The following OSBPL9 variants were observed in gnomAD, a reference collection of about 807,000 sequenced individuals.
OSBPL9 encodes oxysterol-binding protein-related protein 9.
In OSBPL9, 40 loss-of-function variants were observed where a neutral mutation model predicts 106.6. That is an observed-to-expected ratio of 0.38 (90% CI 0.29 to 0.49). OSBPL9 has a LOEUF of 0.49. Ranked by LOEUF, OSBPL9 falls within the 20% of genes least tolerant of loss-of-function variation. The pLI is 0.97. For synonymous variants in OSBPL9, 269 were observed against 295.4 expected, an observed-to-expected ratio of 0.91 and a Z score of 0.92; for missense variants, 609 against 887.2, an observed-to-expected ratio of 0.69 and a Z score of 3.98.
intron 1 of OSBPL9, among the ~76,000 whole-genome samples, chr1:51,633,252 C>T (rs1254024950): frequency 2.0e-5 from 3 of 151,544 alleles, no homozygotes; most frequent in Admixed American, 1.3e-4. Flanking sequence ...AGCCATCTCA[C>T]CTGGCCACTT....
At chr1:51,773,933 G>A (rs1311576478) in intron 14 of OSBPL9, among the ~76,000 whole-genome samples, 2 of 118,910 alleles carry the variant, frequency 1.7e-5, no homozygotes, top group African/African-American at 6.3e-5. Flanking sequence ...AGATTGTACA[G>A]CTGCTGGCGT....
intron 4 of OSBPL9, among the ~76,000 whole-genome samples, chr1:51,738,262 G>C (rs1666142866): frequency 6.6e-6 from 1 of 152,012 alleles, no homozygotes; most frequent in South Asian, 2.1e-4. Flanking sequence ...ATCATGAAGA[G>C]TAAGGAATTG....
intron 1 of OSBPL9, chr1:51,577,340 T>G (rs1312305738): frequency 5.8e-5 from 8 of 137,386 alleles, no homozygotes; most frequent in African/African-American, 2.5e-4. Context: ...TTTTTTTTTT[T>G]TGACGAAGTC....
intron 4 of OSBPL9, among the ~76,000 whole-genome samples, chr1:51,716,075 A>G (rs1448920213): frequency 1.3e-5 from 2 of 152,240 alleles, no homozygotes; most frequent in African/African-American, 2.4e-5. Flanking sequence ...TTTGCTAAGA[A>G]GAGAGCTTGT....
the OSBPL9 span, among the ~76,000 whole-genome samples, chr1:51,544,260 T>C: frequency 1.3e-4 from 20 of 152,012 alleles, no homozygotes; most frequent in African/African-American, 4.6e-4. Context: ...ACTTGGGAGG[T>C]TGAGGCAGAA....
chr1:51,553,135 G>GC, the OSBPL9 span, among the ~76,000 whole-genome samples: 5 of 152,030 alleles, frequency 3.3e-5, no homozygotes, highest in Non-Finnish European at 7.4e-5. Flanking sequence ...TGAGGCCATT[G>GC]CCCCAAGTAT....
At chr1:51,528,626 C>A in the OSBPL9 span, among the ~76,000 whole-genome samples, 1 of 151,964 alleles carries the variant, frequency 6.6e-6, no homozygotes, top group African/African-American at 2.4e-5. Flanking sequence ...AACCCCAGCA[C>A]TTTGGGAGGT....
At chr1:51,632,422 A>G (rs1200605942) in intron 1 of OSBPL9, among the ~76,000 whole-genome samples, 2 of 152,208 alleles carry the variant, frequency 1.3e-5, no homozygotes, top group Non-Finnish European at 2.9e-5. Flanking sequence ...AGTAGTTTCT[A>G]TGTGGGTGAT....
chr1:51,619,458 T>C (rs372451946), intron 1 of OSBPL9, among the ~76,000 whole-genome samples: 21 of 152,324 alleles, frequency 1.4e-4, no homozygotes, highest in African/African-American at 4.6e-4. Flanking sequence ...AAAAAATACT[T>C]TTTTCCCCCT....
chr1:51,540,305 G>A, the OSBPL9 span, among the ~76,000 whole-genome samples: 1 of 151,884 alleles, frequency 6.6e-6, no homozygotes. Flanking sequence ...AAGATCATTA[G>A]TGACCCTCCC....
chr1:51,784,408 T>G (rs1278752544), intron 19 of OSBPL9, 34 bp from the exon 20 acceptor site: 1 of 1,613,572 alleles, frequency 6.2e-7, no homozygotes, highest in Non-Finnish European at 8.5e-7. Context: ...TCCTCTTAAC[T>G]GTCAACCTTA....
At chr1:51,652,621 C>T (rs557900813) in intron 2 of OSBPL9, among the ~76,000 whole-genome samples, 1 of 152,252 alleles carries the variant, frequency 6.6e-6, no homozygotes, top group African/African-American at 2.4e-5. Flanking sequence ...AGATATTTTA[C>T]AATCTTTCTT....
chr1:51,550,558 G>C, the OSBPL9 span, among the ~76,000 whole-genome samples: 2 of 152,258 alleles, frequency 1.3e-5, no homozygotes, highest in South Asian at 2.1e-4. Context: ...TGTTACCCAG[G>C]CTGGAGTGCA....
the OSBPL9 span, among the ~76,000 whole-genome samples, chr1:51,535,777 G>A: frequency 3.3e-5 from 5 of 151,942 alleles, no homozygotes; most frequent in Non-Finnish European, 2.9e-5. Flanking sequence ...GGCTGGTCTC[G>A]AACTCTTGAC....
At chr1:51,631,216 A>G (rs1645084464) in intron 1 of OSBPL9, among the ~76,000 whole-genome samples, 2 of 152,156 alleles carry the variant, frequency 1.3e-5, no homozygotes, top group Admixed American at 1.3e-4. Context: ...ATCAGTTGTC[A>G]GACATGCAAA....
chr1:51,674,515 T>C (rs1276144507), intron 3 of OSBPL9, among the ~76,000 whole-genome samples: 2 of 152,158 alleles, frequency 1.3e-5, no homozygotes, highest in Admixed American at 6.5e-5. Flanking sequence ...GTGGGACACA[T>C]AGATGATGGT....
chr1:51,538,636 A>G, the OSBPL9 span: 3 of 152,240 alleles, frequency 2.0e-5, no homozygotes, highest in Admixed American at 6.5e-5. Flanking sequence ...GGCATATAGA[A>G]TGCTTCACAG....
chr1:51,535,192 C>G, the OSBPL9 span, among the ~76,000 whole-genome samples: 1 of 152,196 alleles, frequency 6.6e-6, no homozygotes, highest in Non-Finnish European at 1.5e-5. Context: ...CTACTGCCCT[C>G]AAGTGGTGGT....
At chr1:51,652,471 T>C (rs1365309883) in intron 2 of OSBPL9, among the ~76,000 whole-genome samples, 1 of 152,234 alleles carries the variant, frequency 6.6e-6, no homozygotes. Context: ...AGAAATACAA[T>C]GTTAGCCACA....
Sources: allele counts gnomAD v4.1 joint callset (sites outside exome capture counted in the v4.1 genomes callset), GRCh38; gene constraint gnomAD v4.1.1; transcripts MANE v1.5; gene names NCBI Gene and HGNC (gene_info 2026-07-23, HGNC 2026-07-21).